ZMIZ1: variants seen among roughly 807,000 people sequenced by gnomAD.
ZMIZ1 encodes the protein zinc finger MIZ-type containing 1.
Under a neutral mutation model 113.9 loss-of-function variants are expected in ZMIZ1, and 17 were observed. That is an observed-to-expected ratio of 0.15 (90% CI 0.10 to 0.22). The LOEUF is 0.22. Ranked by LOEUF, ZMIZ1 falls within the 10% of genes least tolerant of loss-of-function variation. The probability of loss-of-function intolerance (pLI) is 1.00; values close to 1 mark genes in which losing one functional copy is unlikely to be tolerated. For synonymous variants in ZMIZ1, 607 were observed against 603.1 expected, an observed-to-expected ratio of 1.01 and a Z score of -0.09; for missense variants, 1,059 against 1,477.8, an observed-to-expected ratio of 0.72 and a Z score of 4.65.
rs1248562472 is a variant in ZMIZ1 at position 79,314,010 on chromosome 10, G to T, written c.*1261G>T. ...CCAGTATGTACCTGCAGGCATGGGG[G>T]GGAGGGGGGCGTGTTTCTGGGCCTG... On this transcript the variant is annotated 3_prime_UTR_variant, in exon 25 of 25. Transcript: ENST00000334512. The T allele has an allele frequency of 2.2e-6, 1 of 456,160 alleles. No individual in the cohort carries two copies. The highest frequency in any genetic ancestry group is 6.9e-5 in the East Asian group (1 of 14,516). 28.3% of individuals were successfully genotyped at this position (456,160 alleles called of 1,614,324 possible).
At chr10:79,156,804 C>T (rs539686898) in intron 3 of ZMIZ1, among the ~76,000 whole-genome samples, 1 of 152,312 alleles carries the variant, frequency 6.6e-6, no homozygotes, top group South Asian at 2.1e-4. Flanking sequence ...TCCTTGAGGC[C>T]AACTGTAGTT....
chr10:79,303,918 G>T, intron 18 of ZMIZ1, 97 bp from the exon 19 acceptor site: 2 of 1,515,010 alleles, frequency 1.3e-6, no homozygotes, highest in Non-Finnish European at 1.8e-6. Context: ...ACCAGGACAT[G>T]CCCCAGCTGC....
chr10:79,240,271 G>C (rs1849763797), intron 7 of ZMIZ1, among the ~76,000 whole-genome samples: 2 of 152,282 alleles, frequency 1.3e-5, no homozygotes, highest in Non-Finnish European at 2.9e-5. Context: ...CCAAGTGCCT[G>C]TGAGCTGAGG....
chr10:79,144,384 C>A (rs1290085961), intron 3 of ZMIZ1, among the ~76,000 whole-genome samples: 4 of 152,232 alleles, frequency 2.6e-5, no homozygotes, highest in African/African-American at 9.6e-5. Context: ...GGCTTATAGA[C>A]TGCCTCCCCA....
At chr10:79,101,209 A>G (rs1195970636) in intron 1 of ZMIZ1, among the ~76,000 whole-genome samples, 2 of 152,122 alleles carry the variant, frequency 1.3e-5, no homozygotes, top group African/African-American at 4.8e-5. Flanking sequence ...GGCACTGGGG[A>G]TGCTACTGAT....
At chr10:79,114,252 CCT>C (rs144114091) in intron 1 of ZMIZ1, among the ~76,000 whole-genome samples, 105 of 152,332 alleles carry the variant, frequency 6.9e-4, no homozygotes, top group African/African-American at 2.3e-3. Context: ...ATTTTTTCCC[CCT>C]GTTTAATGGC....
At chr10:79,252,748 C>T (rs1208378563) in intron 7 of ZMIZ1, among the ~76,000 whole-genome samples, 8 of 152,080 alleles carry the variant, frequency 5.3e-5, no homozygotes, top group East Asian at 1.9e-4. Context: ...TGCTGGGGAC[C>T]CTGGATGCAC....
At chr10:79,185,318 G>C (rs1356600724) in intron 4 of ZMIZ1, among the ~76,000 whole-genome samples, 1 of 152,152 alleles carries the variant, frequency 6.6e-6, no homozygotes, top group African/African-American at 2.4e-5. Flanking sequence ...CCTTCTCCCT[G>C]AGCCTGCTGA....
chr10:79,282,486 C>T (rs991092856), intron 8 of ZMIZ1, among the ~76,000 whole-genome samples: 11 of 152,196 alleles, frequency 7.2e-5, no homozygotes, highest in African/African-American at 1.2e-4. Context: ...GGACGGCAGA[C>T]GCCTGGAGGG....
chr10:79,140,959 T>G (rs1297567680), intron 3 of ZMIZ1, among the ~76,000 whole-genome samples: 2 of 152,068 alleles, frequency 1.3e-5, no homozygotes, highest in Non-Finnish European at 2.9e-5. Context: ...ATTTTTAAAT[T>G]TTTGTGGAGA....
intron 1 of ZMIZ1, among the ~76,000 whole-genome samples, chr10:79,111,470 C>G (rs1843735259): frequency 6.6e-6 from 1 of 152,156 alleles, no homozygotes; most frequent in Admixed American, 6.5e-5. Context: ...CTGCCCTGGA[C>G]CAAAGAGCAG....
chr10:79,298,943 C>T (rs1394519605), intron 15 of ZMIZ1, 107 bp from the exon 16 acceptor site: 4 of 1,427,658 alleles, frequency 2.8e-6, no homozygotes, highest in South Asian at 1.4e-5. Context: ...TTACACACCC[C>T]TGCCTTCCTC....
intron 3 of ZMIZ1, among the ~76,000 whole-genome samples, chr10:79,159,083 T>C (rs16936932): frequency 0.042 from 6,384 of 152,250 alleles, 199 homozygotes; most frequent in East Asian, 0.15. Flanking sequence ...TATCTGAGCA[T>C]TGGGGTCCCT....
intron 22 of ZMIZ1, among the ~76,000 whole-genome samples, chr10:79,307,113 C>T (rs549546464): frequency 1.9e-3 from 287 of 152,240 alleles, no homozygotes; most frequent in African/African-American, 6.7e-3. Flanking sequence ...CTGCTCTAGG[C>T]TCAGGCCATG....
At chr10:79,277,638 AC>A in intron 8 of ZMIZ1, among the ~76,000 whole-genome samples, 1 of 152,290 alleles carries the variant, frequency 6.6e-6, no homozygotes, top group Non-Finnish European at 1.5e-5. Flanking sequence ...ACCCAGAGAA[AC>A]CAGGGGCTGA....
intron 7 of ZMIZ1, among the ~76,000 whole-genome samples, chr10:79,225,509 C>T (rs1258091754): frequency 6.6e-6 from 1 of 151,890 alleles, no homozygotes; most frequent in Non-Finnish European, 1.5e-5. Context: ...GTGGGAGGAT[C>T]ACTTGAGCCC....
At chr10:79,286,811 A>T (rs987406211) in intron 8 of ZMIZ1, among the ~76,000 whole-genome samples, 1 of 152,196 alleles carries the variant, frequency 6.6e-6, no homozygotes, top group Non-Finnish European at 1.5e-5. Context: ...GGCTGAGGTG[A>T]TGAGGCAGCA....
At chr10:79,278,663 G>T (rs982777692) in intron 8 of ZMIZ1, among the ~76,000 whole-genome samples, 1 of 151,526 alleles carries the variant, frequency 6.6e-6, no homozygotes, top group African/African-American at 2.4e-5. Context: ...CTGCCTTCAA[G>T]CATCTGTTTA....
intron 1 of ZMIZ1, among the ~76,000 whole-genome samples, chr10:79,099,015 G>A (rs560353134): frequency 3.3e-5 from 5 of 152,290 alleles, no homozygotes; most frequent in African/African-American, 1.2e-4. Context: ...CCATGTTGGC[G>A]GCAGATTCCA....
Sources: allele counts gnomAD v4.1 joint callset (sites outside exome capture counted in the v4.1 genomes callset), GRCh38; gene constraint gnomAD v4.1.1; transcripts MANE v1.5; gene names NCBI Gene and HGNC (gene_info 2026-07-23, HGNC 2026-07-21).